Variants in USP49 observed in about 807,000 individuals in gnomAD.
USP49 encodes the protein ubiquitin specific peptidase 49.
In USP49, 24 loss-of-function variants were observed where a neutral mutation model predicts 58.6. That is an observed-to-expected ratio of 0.41 (90% confidence interval 0.30 to 0.58). USP49 has a LOEUF of 0.58. USP49 is among the 20% of genes least tolerant of loss of function. The pLI, the probability that USP49 is intolerant of heterozygous loss-of-function variation, is 0.30. For missense variants in USP49, 703 were observed against 866.1 expected (o/e 0.81, Z 2.36); for synonymous variants, 408 against 365.1 (o/e 1.12, Z -1.34).
At chr6:41,819,650 G>A (rs942198005) in intron 3 of USP49, among the ~76,000 whole-genome samples, 1 of 152,070 alleles carries the variant, frequency 6.6e-6, no homozygotes, top group African/African-American at 2.4e-5. Context: ...GTAGGCAGTG[G>A]CTTCTTAAAA....
chr6:41,862,573 G>A (rs985819783), intron 3 of USP49, among the ~76,000 whole-genome samples: 2 of 152,048 alleles, frequency 1.3e-5, no homozygotes, highest in African/African-American at 4.8e-5. Flanking sequence ...TCAAACTACA[G>A]ATTTAAAAAT....
intron 3 of USP49, among the ~76,000 whole-genome samples, chr6:41,835,848 A>G (rs1340326974): frequency 6.6e-6 from 1 of 152,064 alleles, no homozygotes; most frequent in Admixed American, 6.6e-5. Flanking sequence ...TCAAGGTGGG[A>G]GGATTGCTTG....
chr6:41,842,092 T>G (rs1773837744), intron 3 of USP49, among the ~76,000 whole-genome samples: 1 of 151,586 alleles, frequency 6.6e-6, no homozygotes, highest in African/African-American at 2.4e-5. Flanking sequence ...TTGTTTGCAC[T>G]GGCATTCCTT....
At position 41,799,892 on chromosome 6, in the gene USP49, A is replaced by G. The variant is rs151173405; in HGVS notation, c.1608T>C (p.Ala536=). ...SNPKPLVLSE[A]RKQLMIYRLP... is the part of the protein sequence containing the mutation. The stretch of plus-strand genomic sequence containing the variant: ...GTCTGTAGATCATTAACTGCTTTCT[A>G]GCTTCACTCAGAACAAGGGGTTTGG... The change falls in exon 6 of 8, where the codon GCT becomes GCC. Residue 536 remains alanine (A), a synonymous_variant. Transcript: ENST00000682992. 2.9e-4 allele frequency: 467 copies of G among 1,614,132 alleles called. No homozygotes were observed. Among genetic ancestry groups the G allele is most frequent in the Middle Eastern group, 5.0e-4 (3 of 6,058 alleles).
intron 3 of USP49, among the ~76,000 whole-genome samples, chr6:41,808,075 C>T (rs966907251): frequency 6.6e-6 from 1 of 152,182 alleles, no homozygotes; most frequent in Non-Finnish European, 1.5e-5. Flanking sequence ...CTGCGCCCAG[C>T]CAACATCCGT....
intron 2 of USP49, among the ~76,000 whole-genome samples, chr6:41,890,873 T>C (rs1774799795): frequency 6.6e-6 from 1 of 152,208 alleles, no homozygotes; most frequent in Admixed American, 6.5e-5. Flanking sequence ...TGTCATAGTA[T>C]ATAACAAGTC....
At chr6:41,817,917 C>T (rs1773385995) in intron 3 of USP49, among the ~76,000 whole-genome samples, 1 of 152,152 alleles carries the variant, frequency 6.6e-6, no homozygotes, top group Admixed American at 6.5e-5. Flanking sequence ...CACCGGGCCA[C>T]TCCCACACAT....
chr6:41,822,811 T>G (rs577547230), intron 3 of USP49, among the ~76,000 whole-genome samples: 1 of 119,564 alleles, frequency 8.4e-6, no homozygotes, highest in South Asian at 3.1e-4. Context: ...AGAGTGAGAC[T>G]CCATCTCAAA....
Position 41,793,095 on chromosome 6 carries a change from G to C in USP49, c.*3438C>G, listed in dbSNP as rs1220223328. ...GTACTTGGATGAAGCTGTAAGCACA[G>C]CCAGAGTAGCAAACTCATACAATCA... On this transcript the variant is annotated 3_prime_UTR_variant, in exon 8 of 8. Coordinates refer to ENST00000682992, the MANE Select transcript of USP49 (RefSeq NM_001286554.2). 1 of 152,248 alleles carries C rather than the reference G, an allele frequency of 6.6e-6. No homozygotes were observed. Among genetic ancestry groups the C allele is most frequent in the Admixed American group, 6.5e-5 (1 of 15,274 alleles). 9.4% of individuals were successfully genotyped at this position (152,248 alleles called of 1,614,324 possible). A position where few individuals can be genotyped will look rare whatever the true frequency, so the allele number is the denominator to read the frequency against.
rs1403130605 is a variant in USP49 at position 41,796,525 on chromosome 6, C to G, written c.*8G>C. ...CACAAAAGCCAGTCTTTGATACATG[C>G]CTCCCATTCAGGAAAATGTCTGTGG... On this transcript the variant is annotated 3_prime_UTR_variant, in exon 8 of 8. Coordinates refer to ENST00000682992, the MANE Select transcript of USP49 (RefSeq NM_001286554.2). 2.8e-6 allele frequency: 2 copies of G among 716,726 alleles called. No individual in the cohort carries two copies. The highest frequency in any genetic ancestry group is 5.2e-6 in the Non-Finnish European group (2 of 384,896). 44.4% of individuals were successfully genotyped at this position (716,726 alleles called of 1,614,324 possible). A position where few individuals can be genotyped will look rare whatever the true frequency, so the allele number is the denominator to read the frequency against.
intron 3 of USP49, among the ~76,000 whole-genome samples, chr6:41,869,162 C>A (rs570599677): frequency 1.1e-4 from 16 of 148,552 alleles, no homozygotes; most frequent in Non-Finnish European, 1.8e-4. Context: ...GCTCTTCCTT[C>A]TTAAAATAGT....
chr6:41,872,665 G>A (rs957370226), intron 2 of USP49, among the ~76,000 whole-genome samples: 3 of 151,570 alleles, frequency 2.0e-5, no homozygotes, highest in Non-Finnish European at 2.9e-5. Flanking sequence ...TTGGGAGGCC[G>A]AGACGGGCGG....
chr6:41,880,928 T>A (rs2127363028), intron 2 of USP49, among the ~76,000 whole-genome samples: 1 of 152,126 alleles, frequency 6.6e-6, no homozygotes, highest in East Asian at 1.9e-4. Flanking sequence ...ATTTATTTTA[T>A]TTATTTTTTA....
At chr6:41,804,667 A>G (rs548260856) in intron 4 of USP49, among the ~76,000 whole-genome samples, 3 of 152,274 alleles carry the variant, frequency 2.0e-5, no homozygotes, top group East Asian at 1.9e-4. Flanking sequence ...TCAAAGCCCT[A>G]AAAACCAAGA....
At chr6:41,869,847 C>G (rs1246082624) in intron 3 of USP49, 1 of 152,064 alleles carries the variant, frequency 6.6e-6, no homozygotes, top group African/African-American at 2.4e-5. Context: ...GATACTTTTA[C>G]AGGCAAGATG....
At chr6:41,831,157 T>C (rs535146159) in intron 3 of USP49, among the ~76,000 whole-genome samples, 2 of 152,058 alleles carry the variant, frequency 1.3e-5, no homozygotes, top group South Asian at 4.2e-4. Flanking sequence ...TTTGGGAGGC[T>C]GAGGCGGGCA....
chr6:41,806,999 C>G lies in USP49; in HGVS notation c.-16G>C. The G allele has an allele frequency of 6.9e-7, 1 of 1,453,986 alleles. No individual in the cohort carries two copies. The highest frequency in any genetic ancestry group is 9.2e-7 in the Non-Finnish European group (1 of 1,090,662). 90.1% of individuals were successfully genotyped at this position (1,453,986 alleles called of 1,614,324 possible). A position where few individuals can be genotyped will look rare whatever the true frequency, so the allele number is the denominator to read the frequency against. The stretch of plus-strand genomic sequence containing the variant: ...ATCTATCCATGTCTTATAGAAGTCG[C>G]CACTTTCTCAACCTGGCACGACAGA... On this transcript the variant is annotated 5_prime_UTR_variant, in exon 4 of 8. Transcript: ENST00000682992. The surrounding 1 kb of genome is among the most constrained non-coding windows in gnomAD (Gnocchi z 5.9).
intron 4 of USP49, among the ~76,000 whole-genome samples, chr6:41,804,236 G>A (rs1393184295): frequency 6.6e-6 from 1 of 152,140 alleles, no homozygotes; most frequent in Non-Finnish European, 1.5e-5. Context: ...ATACTGCATA[G>A]AGACTATACT....
intron 3 of USP49, among the ~76,000 whole-genome samples, chr6:41,807,302 A>G (rs1398987246): frequency 6.6e-6 from 1 of 152,222 alleles, no homozygotes; most frequent in African/African-American, 2.4e-5. Flanking sequence ...AGAGATGAAG[A>G]AACTCAAATA....
Sources: gnomAD v4.1 joint callset for allele counts (sites outside exome capture counted in the v4.1 genomes callset) on GRCh38, gnomAD v4.1.1 for gene constraint, Gnocchi (gnomAD v3.1) non-coding constraint, MANE v1.5 for transcripts, NCBI Gene and HGNC (gene_info 2026-07-23, HGNC 2026-07-21) for gene names.